Variants in STAC observed in about 807,000 individuals in gnomAD.
STAC encodes the protein SH3 and cysteine rich domain, also known as SH3 and cysteine-rich domain-containing protein.
In STAC, 43 loss-of-function variants were observed where a neutral mutation model predicts 48.8. The observed-to-expected ratio is 0.88, with a 90% CI of 0.69 to 1.14. STAC has a LOEUF of 1.14. Among genes scored for constraint, STAC ranks in the 50% most tolerant of loss-of-function variants. The pLI is 0.00. For missense variants in STAC, 497 were observed against 504.0 expected, an observed-to-expected ratio of 0.99 and a Z score of 0.13; for synonymous variants, 193 against 179.5, an observed-to-expected ratio of 1.07 and a Z score of -0.60.
intron 2 of STAC, among the ~76,000 whole-genome samples, chr3:36,444,865 T>C (rs1021522570): frequency 7.2e-5 from 11 of 152,170 alleles, no homozygotes; most frequent in Admixed American, 7.2e-4. Flanking sequence ...ATGCCTAGCA[T>C]CTGACTGTCA....
At chr3:36,536,350 A>G (rs182501701) in intron 10 of STAC, among the ~76,000 whole-genome samples, 9 of 152,324 alleles carry the variant, frequency 5.9e-5, no homozygotes, top group African/African-American at 1.4e-4. Context: ...AAGCTATACT[A>G]CAAGGCTACA....
At chr3:36,388,243 C>T (rs1329959806) in intron 1 of STAC, among the ~76,000 whole-genome samples, 1 of 152,070 alleles carries the variant, frequency 6.6e-6, no homozygotes, top group African/African-American at 2.4e-5. Flanking sequence ...ATTTTACTTA[C>T]ATTTATTCAT....
intron 6 of STAC, among the ~76,000 whole-genome samples, chr3:36,499,020 G>C (rs146635105): frequency 1.9e-3 from 284 of 152,296 alleles, no homozygotes; most frequent in African/African-American, 6.5e-3. Flanking sequence ...ATGCTATCTT[G>C]AGTTTGCTGA....
At chr3:36,453,992 G>A (rs887064736) in intron 2 of STAC, among the ~76,000 whole-genome samples, 2 of 152,168 alleles carry the variant, frequency 1.3e-5, no homozygotes, top group Non-Finnish European at 2.9e-5. Flanking sequence ...TGGTGGGGAC[G>A]TGGAGAACCT....
chr3:36,525,382 G>A (rs889006237), intron 8 of STAC, among the ~76,000 whole-genome samples: 4 of 152,108 alleles, frequency 2.6e-5, no homozygotes, highest in East Asian at 1.9e-4. Flanking sequence ...CCCAGTGAGT[G>A]CCTTATTCTA....
chr3:36,392,643 T>C (rs925145700), intron 1 of STAC, among the ~76,000 whole-genome samples: 17 of 152,274 alleles, frequency 1.1e-4, no homozygotes, highest in African/African-American at 3.6e-4. Flanking sequence ...GCTGGAATTA[T>C]AGTCATGAGC....
intron 1 of STAC, among the ~76,000 whole-genome samples, chr3:36,392,977 A>T (rs988874600): frequency 2.0e-5 from 3 of 152,066 alleles, no homozygotes; most frequent in Admixed American, 6.5e-5. Flanking sequence ...GAGTCCTTAA[A>T]CTTTTCTCCT....
intron 1 of STAC, among the ~76,000 whole-genome samples, chr3:36,433,398 G>A (rs1029708611): frequency 2.6e-5 from 4 of 152,190 alleles, no homozygotes; most frequent in African/African-American, 9.7e-5. Flanking sequence ...GTATAACCTA[G>A]AACTGAGGGA....
chr3:36,500,901 G>A (rs1698266985), intron 6 of STAC, among the ~76,000 whole-genome samples: 1 of 152,202 alleles, frequency 6.6e-6, no homozygotes, highest in East Asian at 1.9e-4. Flanking sequence ...GCCCAGCCTA[G>A]GCAACTTAGG....
At chr3:36,528,533 T>C (rs114900185) in intron 8 of STAC, among the ~76,000 whole-genome samples, 163 bp from the exon 9 acceptor site, 81 of 152,198 alleles carry the variant, frequency 5.3e-4, no homozygotes, top group African/African-American at 1.9e-3. Flanking sequence ...CAATGTGTAA[T>C]ACAGCTATTT....
chr3:36,388,972 G>A (rs575841237), intron 1 of STAC, among the ~76,000 whole-genome samples: 5 of 152,002 alleles, frequency 3.3e-5, no homozygotes, highest in South Asian at 2.1e-4. Context: ...TCAACTTTTC[G>A]TTTTCTACCA....
intron 8 of STAC, among the ~76,000 whole-genome samples, chr3:36,517,411 A>G (rs1338781550): frequency 6.6e-6 from 1 of 152,208 alleles, no homozygotes; most frequent in Non-Finnish European, 1.5e-5. Context: ...GCACTGTGGG[A>G]GGCCAACGCA....
At chr3:36,532,840 C>T (rs375065701) in intron 10 of STAC, among the ~76,000 whole-genome samples, 1 of 152,128 alleles carries the variant, frequency 6.6e-6, no homozygotes, top group Non-Finnish European at 1.5e-5. Flanking sequence ...AACATTGTCA[C>T]AATAATAATT....
At chr3:36,509,420 C>T (rs2125716180) in intron 8 of STAC, among the ~76,000 whole-genome samples, 1 of 152,082 alleles carries the variant, frequency 6.6e-6, no homozygotes, top group East Asian at 1.9e-4. Context: ...GTGGTGGTCT[C>T]CATATTTCCT....
intron 1 of STAC, among the ~76,000 whole-genome samples, chr3:36,396,817 A>G (rs1699866410): frequency 6.6e-6 from 1 of 152,100 alleles, no homozygotes; most frequent in Non-Finnish European, 1.5e-5. Flanking sequence ...CCAGTTATTG[A>G]ACTTATTATA....
At chr3:36,476,059 G>A (rs962077825) in intron 2 of STAC, among the ~76,000 whole-genome samples, 3 of 152,254 alleles carry the variant, frequency 2.0e-5, no homozygotes, top group Non-Finnish European at 2.9e-5. Flanking sequence ...CAGGGGCCAC[G>A]TAAAGAAGTC....
chr3:36,471,363 G>A (rs1697328035), intron 2 of STAC, among the ~76,000 whole-genome samples: 1 of 152,168 alleles, frequency 6.6e-6, no homozygotes, highest in Non-Finnish European at 1.5e-5. Flanking sequence ...AGATTTGGAT[G>A]TGAGCACAGC....
intron 6 of STAC, among the ~76,000 whole-genome samples, chr3:36,499,238 CAT>C (rs1204641967): frequency 9.9e-5 from 15 of 152,176 alleles, no homozygotes; most frequent in South Asian, 6.2e-4. Context: ...AAGTGGTAAA[CAT>C]GTGGTTAAAT....
chr3:36,428,104 T>C (rs1457245744), intron 1 of STAC, among the ~76,000 whole-genome samples: 1 of 152,234 alleles, frequency 6.6e-6, no homozygotes, highest in Non-Finnish European at 1.5e-5. Flanking sequence ...AAGGTGTTAT[T>C]AGTTCTGCTC....
Sources: gnomAD v4.1 joint callset for allele counts (sites outside exome capture counted in the v4.1 genomes callset) on GRCh38, gnomAD v4.1.1 for gene constraint, MANE v1.5 for transcripts, NCBI Gene and HGNC (gene_info 2026-07-23, HGNC 2026-07-21) for gene names.